The following MACROD1 variants were observed in gnomAD, a reference collection of about 807,000 sequenced individuals.
The protein encoded by MACROD1 is mono-ADP ribosylhydrolase 1.
A neutral mutation model predicts 41.4 loss-of-function variants in MACROD1; 31 were observed. The observed-to-expected ratio is 0.75, with a 90% CI of 0.56 to 1.01. MACROD1 has a LOEUF of 1.01. Among genes scored for constraint, MACROD1 ranks in the 50% least tolerant of loss-of-function variants. MACROD1 has a pLI of 0.00. For missense variants in MACROD1, 473 were observed against 460.0 expected, an observed-to-expected ratio of 1.03 and a Z score of -0.26; for synonymous variants, 252 against 203.4, an observed-to-expected ratio of 1.24 and a Z score of -2.03.
At chr11:64,006,414 G>A (rs551582618) in intron 4 of MACROD1, among the ~76,000 whole-genome samples, 23 of 152,324 alleles carry the variant, frequency 1.5e-4, no homozygotes, top group South Asian at 1.2e-3. Flanking sequence ...ATCCTCACCA[G>A]GCCCCACCCT....
chr11:64,153,215 C>A (rs1945611543), intron 1 of MACROD1, among the ~76,000 whole-genome samples: 1 of 152,188 alleles, frequency 6.6e-6, no homozygotes, highest in South Asian at 2.1e-4. Flanking sequence ...CCCGACCGCG[C>A]CAGGCCAGGC....
rs1396338282 is a variant in MACROD1 at position 64,164,089 on chromosome 11, AAC to A, written c.298+1606_298+1607del. ...TACCGGGCCTTGTCTCAGCTGCTAG[AAC>A]ACATTCTTTACAATAGATGCTTTGT... On this transcript the variant is annotated intron_variant, in intron 1 of 10. Transcript: ENST00000255681. 2.0e-5 allele frequency among the ~76,000 whole-genome samples: 3 copies of A among 152,206 alleles called. No homozygotes were observed. In the East Asian group the frequency reaches 5.8e-4, roughly 29 times the overall value.
intron 3 of MACROD1, among the ~76,000 whole-genome samples, chr11:64,019,224 G>A (rs1468618782): frequency 6.6e-5 from 10 of 152,160 alleles, no homozygotes; most frequent in Admixed American, 5.9e-4. Flanking sequence ...CCCCCCGCCC[G>A]AGGACATGCC....
At chr11:64,084,293 A>C (rs1050993566) in intron 3 of MACROD1, among the ~76,000 whole-genome samples, 2 of 152,126 alleles carry the variant, frequency 1.3e-5, no homozygotes, top group African/African-American at 4.8e-5. Context: ...GGCCAGAGGC[A>C]GCAGGAACAC....
intron 1 of MACROD1, among the ~76,000 whole-genome samples, chr11:64,153,570 TCTC>T (rs1252505318): frequency 6.6e-6 from 1 of 152,050 alleles, no homozygotes; most frequent in African/African-American, 2.4e-5. Flanking sequence ...CAGGCCTCCA[TCTC>T]CTCATCTAAC....
chr11:64,016,016 C>A (rs1943076875), intron 3 of MACROD1, among the ~76,000 whole-genome samples: 1 of 152,214 alleles, frequency 6.6e-6, no homozygotes, highest in South Asian at 2.1e-4. Context: ...GGAGAGGGGT[C>A]CTCAACTCTG....
At position 64,139,125 on chromosome 11, in the gene MACROD1, G is replaced by T. The variant is rs943863216; in HGVS notation, c.517+12114C>A. Among the ~76,000 whole-genome samples the T allele has an allele frequency of 1.6e-4, 25 of 152,114 alleles. 2 individuals carry two copies. Among genetic ancestry groups the T allele is most frequent in the Admixed American group, 1.3e-4 (2 of 15,272 alleles). On this transcript the variant is annotated intron_variant, in intron 3 of 10. Coordinates refer to ENST00000255681, the MANE Select transcript of MACROD1 (RefSeq NM_014067.4). ...CAGCCATGCCTCAGTGGAGGAAGCC[G>T]CCAGTGACCTCTCAGCCCCACCTCT...
intron 3 of MACROD1, among the ~76,000 whole-genome samples, chr11:64,060,259 C>T (rs1943874016): frequency 6.6e-6 from 1 of 152,224 alleles, no homozygotes; most frequent in Non-Finnish European, 1.5e-5. Flanking sequence ...CCCAGGAGGC[C>T]CCAGAGCTCC....
chr11:64,089,231 T>C (rs907380576), intron 3 of MACROD1, among the ~76,000 whole-genome samples: 6 of 151,652 alleles, frequency 4.0e-5, no homozygotes, highest in African/African-American at 1.5e-4. Flanking sequence ...ACCGCGGAGG[T>C]GAGGGCCCCG....
At chr11:64,135,432 C>T (rs1432727233) in intron 3 of MACROD1, among the ~76,000 whole-genome samples, 3 of 152,218 alleles carry the variant, frequency 2.0e-5, no homozygotes, top group African/African-American at 7.2e-5. Flanking sequence ...CCACCCTCCA[C>T]CCCACCCTCA....
At chr11:64,113,941 T>C (rs1006562764) in intron 3 of MACROD1, among the ~76,000 whole-genome samples, 2 of 145,392 alleles carry the variant, frequency 1.4e-5, no homozygotes. Flanking sequence ...GATGCACGGA[T>C]GGATGGATGG....
In MACROD1 at chr11:64,036,368, G is replaced by T. The variant is rs960061532; in HGVS notation, c.518-21087C>A. 1.3e-5 allele frequency among the ~76,000 whole-genome samples: 2 copies of T among 152,172 alleles called. No individual in the cohort carries two copies. The highest frequency in any genetic ancestry group is 2.9e-5 in the Non-Finnish European group (2 of 68,016). On this transcript the variant is annotated intron_variant, in intron 3 of 10. Transcript: ENST00000255681. The surrounding 1 kb of genome is among the most constrained non-coding windows in gnomAD (Gnocchi z 5.6). ...GAGTCAAGAGCCAAGCACCAGTAGC[G>T]GTGGCGCTGGCCCCGCCGCGGGGAG...
intron 3 of MACROD1, among the ~76,000 whole-genome samples, chr11:64,028,267 G>A (rs1477686997): frequency 6.6e-6 from 1 of 152,210 alleles, no homozygotes; most frequent in Non-Finnish European, 1.5e-5. Flanking sequence ...GAGCCGAGGG[G>A]GCCCCTTGCC....
rs561182933 is a variant in MACROD1, at chr11:64,048,205, G to A, written c.518-32924C>T. Among the ~76,000 whole-genome samples, 5 of 152,356 alleles carry A rather than the reference G, an allele frequency of 3.3e-5. No individual in the cohort carries two copies. In the South Asian group the frequency reaches 6.2e-4, roughly 19 times the overall value. On this transcript the variant is annotated intron_variant, in intron 3 of 10. Coordinates refer to ENST00000255681, the MANE Select transcript of MACROD1 (RefSeq NM_014067.4). ...CAGACAGACAGGGCTTGTGAGAGCC[G>A]GGGGCCTTCGAGGAGAGCTCAGCTC...
At chr11:64,077,424 G>A (rs1944222756) in intron 3 of MACROD1, among the ~76,000 whole-genome samples, 1 of 152,182 alleles carries the variant, frequency 6.6e-6, no homozygotes, top group Non-Finnish European at 1.5e-5. Flanking sequence ...CCCGTCCTCG[G>A]ATTTTCCCCC....
chr11:64,149,579 G>A (rs1429110981), intron 3 of MACROD1, among the ~76,000 whole-genome samples: 1 of 152,232 alleles, frequency 6.6e-6, no homozygotes, highest in Non-Finnish European at 1.5e-5. Context: ...CTTGGTCCCT[G>A]CACCCTTTCT....
intron 3 of MACROD1, among the ~76,000 whole-genome samples, chr11:64,032,853 A>C (rs1247851190): frequency 6.6e-6 from 1 of 152,058 alleles, no homozygotes; most frequent in Non-Finnish European, 1.5e-5. Flanking sequence ...ACTCCTTCCA[A>C]GATAAAGAAG....
At chr11:64,088,397 C>T (rs535955324) in intron 3 of MACROD1, among the ~76,000 whole-genome samples, 1 of 152,296 alleles carries the variant, frequency 6.6e-6, no homozygotes, top group East Asian at 1.9e-4. Flanking sequence ...GGGGTCCTCA[C>T]CTGTGGAAGG....
At chr11:64,123,301 C>T (rs963555432) in intron 3 of MACROD1, among the ~76,000 whole-genome samples, 3 of 152,184 alleles carry the variant, frequency 2.0e-5, no homozygotes, top group African/African-American at 4.8e-5. Context: ...ACAGGCGATT[C>T]GCAGCCGTGC....
Sources: allele counts gnomAD v4.1 joint callset (sites outside exome capture counted in the v4.1 genomes callset), GRCh38; gene constraint gnomAD v4.1.1; non-coding constraint Gnocchi (gnomAD v3.1); transcripts MANE v1.5; gene names NCBI Gene and HGNC (gene_info 2026-07-23, HGNC 2026-07-21).